Variants in RANBP2 observed in about 807,000 individuals in gnomAD.
RANBP2 encodes E3 SUMO-protein ligase RanBP2.
Under a neutral mutation model 303.6 loss-of-function variants are expected in RANBP2, and 57 were observed. The ratio of observed to expected loss-of-function variants is 0.19; its 90% CI spans 0.15 to 0.23. RANBP2 has a LOEUF of 0.23. RANBP2 is among the 10% of genes least tolerant of loss of function. RANBP2 has a pLI of 1.00. For missense variants in RANBP2, 3,138 were observed against 3,780.8 expected, an observed-to-expected ratio of 0.83 and a Z score of 4.46; for synonymous variants, 1,167 against 1,301.5, an observed-to-expected ratio of 0.90 and a Z score of 2.23.
At chr2:109,305,095 C>T in the RANBP2 span, among the ~76,000 whole-genome samples, 1 of 152,188 alleles carries the variant, frequency 6.6e-6, no homozygotes, top group Non-Finnish European at 1.5e-5. Context: ...GTAAGACTGC[C>T]TTCTAAGAGA....
chr2:109,740,331 G>A, the RANBP2 span, among the ~76,000 whole-genome samples: 1 of 151,984 alleles, frequency 6.6e-6, no homozygotes, highest in Non-Finnish European at 1.5e-5. Flanking sequence ...TAACAACAAA[G>A]CATCAAAATA....
the RANBP2 span, among the ~76,000 whole-genome samples, chr2:109,122,280 G>C: frequency 6.6e-6 from 1 of 152,148 alleles, no homozygotes; most frequent in Non-Finnish European, 1.5e-5. Context: ...GGGGACCCTA[G>C]GAAACATCAA....
At chr2:108,813,358 G>A in the RANBP2 span, among the ~76,000 whole-genome samples, 1 of 150,454 alleles carries the variant, frequency 6.6e-6, no homozygotes, top group African/African-American at 2.4e-5. Context: ...TTTTTGGAAT[G>A]TTTGCTATGG....
the RANBP2 span, among the ~76,000 whole-genome samples, chr2:109,098,342 T>C: frequency 6.6e-6 from 1 of 152,358 alleles, no homozygotes; most frequent in South Asian, 2.1e-4. Context: ...CAAACTAAGT[T>C]GTTATCTGAC....
the RANBP2 span, among the ~76,000 whole-genome samples, chr2:109,571,991 A>G: frequency 6.6e-6 from 1 of 152,232 alleles, no homozygotes; most frequent in East Asian, 1.9e-4. Context: ...TGTGCCTGTT[A>G]ATTTTTAAAT....
chr2:108,908,970 C>T, the RANBP2 span, among the ~76,000 whole-genome samples: 1 of 152,130 alleles, frequency 6.6e-6, no homozygotes, highest in African/African-American at 2.4e-5. Context: ...CATCCCTGTC[C>T]CCACTCGAGA....
chr2:108,861,873 A>G, the RANBP2 span, among the ~76,000 whole-genome samples: 1 of 152,004 alleles, frequency 6.6e-6, no homozygotes, highest in African/African-American at 2.4e-5. Flanking sequence ...ACTGTATCCT[A>G]CAGGTTTTGG....
the RANBP2 span, among the ~76,000 whole-genome samples, chr2:109,117,234 G>A: frequency 2.0e-5 from 3 of 152,236 alleles, no homozygotes; most frequent in African/African-American, 7.2e-5. Context: ...CCTGCCCCCA[G>A]AGGTGGAGCC....
At chr2:109,033,312 G>A in the RANBP2 span, among the ~76,000 whole-genome samples, 1 of 152,158 alleles carries the variant, frequency 6.6e-6, no homozygotes, top group African/African-American at 2.4e-5. Flanking sequence ...GTGAATGCAC[G>A]GGCCCAGTCC....
At chr2:109,626,692 A>C in the RANBP2 span, among the ~76,000 whole-genome samples, 1 of 152,098 alleles carries the variant, frequency 6.6e-6, no homozygotes, top group Non-Finnish European at 1.5e-5. Context: ...AAGCTGGTAC[A>C]TTTCTTAGGC....
chr2:109,340,682 T>G, the RANBP2 span, among the ~76,000 whole-genome samples: 1 of 152,176 alleles, frequency 6.6e-6, no homozygotes, highest in Admixed American at 6.5e-5. Context: ...TTATAGCTCC[T>G]TTTTCATTAA....
the RANBP2 span, among the ~76,000 whole-genome samples, chr2:109,562,120 T>A: frequency 6.6e-6 from 1 of 151,822 alleles, no homozygotes; most frequent in Non-Finnish European, 1.5e-5. Flanking sequence ...GGCTGAGGCA[T>A]GAGAATCGCT....
chr2:109,274,057 A>G, the RANBP2 span, among the ~76,000 whole-genome samples: 1 of 152,230 alleles, frequency 6.6e-6, no homozygotes, highest in East Asian at 1.9e-4. Context: ...TGTGATTATT[A>G]TTAACATTAC....
chr2:109,558,741 A>C, the RANBP2 span, among the ~76,000 whole-genome samples: 1 of 152,220 alleles, frequency 6.6e-6, no homozygotes, highest in African/African-American at 2.4e-5. Context: ...GCCAGGAAGT[A>C]CAGTCACATA....
At chr2:108,791,974 G>C in the RANBP2 span, among the ~76,000 whole-genome samples, 1 of 152,152 alleles carries the variant, frequency 6.6e-6, no homozygotes, top group Non-Finnish European at 1.5e-5. Context: ...TAAAGGAGCA[G>C]AGAAAATTAA....
chr2:108,848,134 T>C, the RANBP2 span, among the ~76,000 whole-genome samples: 1 of 152,232 alleles, frequency 6.6e-6, no homozygotes, highest in South Asian at 2.1e-4. Context: ...GCCAATTTAA[T>C]ATAAGAAAAA....
chr2:109,111,194 C>T, the RANBP2 span, among the ~76,000 whole-genome samples: 1 of 152,158 alleles, frequency 6.6e-6, no homozygotes, highest in East Asian at 1.9e-4. Context: ...ATCAAAATTC[C>T]CCTTCCCTCT....
chr2:109,434,531 G>A, the RANBP2 span, among the ~76,000 whole-genome samples: 5 of 152,154 alleles, frequency 3.3e-5, no homozygotes, highest in African/African-American at 7.2e-5. Flanking sequence ...TCTCTTAGGC[G>A]CCTCCCACCC....
At chr2:109,043,445 C>T in the RANBP2 span, among the ~76,000 whole-genome samples, 480 of 152,188 alleles carry the variant, frequency 3.2e-3, 3 homozygotes, top group African/African-American at 0.011. Context: ...CAGGATCAAG[C>T]GATTCTCCTG....
Sources: allele counts gnomAD v4.1 joint callset (sites outside exome capture counted in the v4.1 genomes callset), GRCh38; gene constraint gnomAD v4.1.1; transcripts MANE v1.5; gene names NCBI Gene and HGNC (gene_info 2026-07-23, HGNC 2026-07-21).